Variants in TBC1D15 observed in about 807,000 individuals in gnomAD.
TBC1D15 encodes TBC1 domain family member 15.
Under a neutral mutation model 95.4 loss-of-function variants are expected in TBC1D15, and 39 were observed. The ratio of observed to expected loss-of-function variants is 0.41; its 90% confidence interval spans 0.32 to 0.53. The LOEUF (loss-of-function observed/expected upper bound fraction) is 0.53. Ranked by LOEUF, TBC1D15 falls within the 20% of genes least tolerant of loss-of-function variation. TBC1D15 has a pLI of 0.29. For missense variants in TBC1D15, 733 were observed against 794.3 expected (o/e 0.92, Z 0.93); for synonymous variants, 258 against 261.3 (o/e 0.99, Z 0.12).
At chr12:71,849,380 G>T in intron 1 of TBC1D15, 2 of 1,390,186 alleles carry the variant, frequency 1.4e-6, no homozygotes, top group Non-Finnish European at 2.0e-6. Flanking sequence ...GAAAGCAGGC[G>T]CCTCCAGCTG....
chr12:71,904,365 G>C (rs902651954), intron 10 of TBC1D15, among the ~76,000 whole-genome samples: 2 of 152,104 alleles, frequency 1.3e-5, no homozygotes, highest in Non-Finnish European at 2.9e-5. Flanking sequence ...AAGAAGACTT[G>C]GAGACAATAC....
At chr12:71,880,678 G>T in intron 4 of TBC1D15, 71 bp downstream of exon 4, 1 of 1,466,398 alleles carries the variant, frequency 6.8e-7, no homozygotes, top group Non-Finnish European at 9.1e-7. Flanking sequence ...ATGCAAAGAA[G>T]ATTCGTGAAT....
At chr12:71,866,137 G>T (rs1367561288) in intron 1 of TBC1D15, among the ~76,000 whole-genome samples, 1 of 152,078 alleles carries the variant, frequency 6.6e-6, no homozygotes, top group African/African-American at 2.4e-5. Flanking sequence ...TTCACAGCTG[G>T]CTTGGGGATG....
chr12:71,922,929 G>T (rs1566089470), intron 16 of TBC1D15, 54 bp from the exon 17 acceptor site: 3 of 1,539,108 alleles, frequency 1.9e-6, no homozygotes, highest in East Asian at 4.5e-5. Flanking sequence ...TTACTTTGTG[G>T]TTATTTTTCC....
chr12:71,910,383 T>A (rs1901917856), intron 11 of TBC1D15, among the ~76,000 whole-genome samples: 1 of 150,356 alleles, frequency 6.7e-6, no homozygotes, highest in Non-Finnish European at 1.5e-5. Context: ...AAGTAGTTTT[T>A]TCCAATTCTG....
At chr12:71,875,052 C>T (rs1466283541) in intron 3 of TBC1D15, among the ~76,000 whole-genome samples, 1 of 152,118 alleles carries the variant, frequency 6.6e-6, no homozygotes, top group African/African-American at 2.4e-5. Context: ...GATCCATCCA[C>T]CTCAGCCTCC....
chr12:71,861,337 G>A lies in TBC1D15; in HGVS notation c.31-10733G>A, dbSNP rs1191358832. 7.8e-6 allele frequency: 6 copies of A among 767,342 alleles called. No homozygotes were observed. In the Admixed American group the frequency reaches 2.5e-4, roughly 32 times the overall value. 47.5% of individuals were successfully genotyped at this position (767,342 alleles called of 1,614,324 possible). ...TCCACAGTGAAGCCATTGGGTTTTG[G>A]GCTTTTCTTTAATGGGAGACTTTTC... On this transcript the variant is annotated intron_variant, in intron 1 of 16. Transcript: ENST00000485960.
intron 3 of TBC1D15, among the ~76,000 whole-genome samples, chr12:71,878,542 GTC>G (rs965355122): frequency 6.6e-6 from 1 of 150,536 alleles, no homozygotes; most frequent in Non-Finnish European, 1.5e-5. Context: ...TTTTGGAGGA[GTC>G]TCTCTCTTTC....
intron 5 of TBC1D15, among the ~76,000 whole-genome samples, chr12:71,891,007 A>G (rs868472068): frequency 6.6e-6 from 1 of 152,154 alleles, no homozygotes; most frequent in African/African-American, 2.4e-5. Flanking sequence ...TAAAAAGCCA[A>G]ATTTGTTGTA....
chr12:71,914,263 T>C (rs992611226), intron 12 of TBC1D15, among the ~76,000 whole-genome samples: 25 of 152,110 alleles, frequency 1.6e-4, no homozygotes, highest in African/African-American at 6.0e-4. Context: ...TAATATCATC[T>C]GTTTCAGAGA....
intron 1 of TBC1D15, among the ~76,000 whole-genome samples, chr12:71,864,850 A>G (rs1368800624): frequency 6.6e-6 from 1 of 152,034 alleles, no homozygotes; most frequent in African/African-American, 2.4e-5. Context: ...GGGTGTAGTG[A>G]TTGTTTCCGA....
At chr12:71,864,867 G>T (rs554709111) in intron 1 of TBC1D15, among the ~76,000 whole-genome samples, 1 of 152,300 alleles carries the variant, frequency 6.6e-6, no homozygotes, top group South Asian at 2.1e-4. Context: ...CCGAATAGGT[G>T]CAGTGGTATA....
chr12:71,869,119 A>ATGTG (rs1369168298), intron 1 of TBC1D15, among the ~76,000 whole-genome samples: 6 of 152,220 alleles, frequency 3.9e-5, no homozygotes, highest in Non-Finnish European at 8.8e-5. Context: ...AACAGCAGCT[A>ATGTG]AAATCTACTT....
At chr12:71,913,977 A>G (rs1454251156) in intron 12 of TBC1D15, 51 bp downstream of exon 12, 2 of 1,355,958 alleles carry the variant, frequency 1.5e-6, no homozygotes, top group East Asian at 2.5e-5. Flanking sequence ...TTTTAGTTGT[A>G]TAATTTTATA....
intron 4 of TBC1D15, among the ~76,000 whole-genome samples, chr12:71,882,186 A>G (rs1290702172): frequency 1.3e-5 from 2 of 152,086 alleles, no homozygotes; most frequent in African/African-American, 4.8e-5. Flanking sequence ...CAAACCTTTA[A>G]AAATTGACTA....
intron 1 of TBC1D15, among the ~76,000 whole-genome samples, chr12:71,860,845 A>T (rs948602483): frequency 2.6e-5 from 4 of 152,140 alleles, no homozygotes; most frequent in African/African-American, 9.7e-5. Context: ...GTTAAGTATG[A>T]TGTTGGCTGT....
intron 1 of TBC1D15, among the ~76,000 whole-genome samples, chr12:71,842,647 A>G (rs370327404): frequency 2.0e-5 from 3 of 151,824 alleles, no homozygotes; most frequent in African/African-American, 4.8e-5. Context: ...CTTGGGCAAC[A>G]TAACTAGACC....
intron 1 of TBC1D15, among the ~76,000 whole-genome samples, chr12:71,859,294 G>A (rs1889848238): frequency 6.6e-6 from 1 of 150,872 alleles, no homozygotes; most frequent in Admixed American, 6.6e-5. Context: ...TGAAATTGGA[G>A]TATTTTTTTT....
intron 3 of TBC1D15, among the ~76,000 whole-genome samples, chr12:71,874,687 A>G (rs1893411380): frequency 7.6e-6 from 1 of 131,152 alleles, no homozygotes; most frequent in South Asian, 2.4e-4. Context: ...CAGTGGTGCG[A>G]TCTCAGCTCA....
Sources: gnomAD v4.1 joint callset for allele counts (sites outside exome capture counted in the v4.1 genomes callset) on GRCh38, gnomAD v4.1.1 for gene constraint, MANE v1.5 for transcripts, NCBI Gene and HGNC (gene_info 2026-07-23, HGNC 2026-07-21) for gene names.